Variants in POU6F2 observed in about 807,000 individuals in gnomAD.
The protein encoded by POU6F2 is POU class 6 homeobox 2.
POU6F2 carries 31 observed loss-of-function variants against 71.3 expected under a neutral mutation model. The observed-to-expected ratio is 0.43, with a 90% confidence interval of 0.33 to 0.59. POU6F2 has a LOEUF of 0.59. Among genes scored for constraint, POU6F2 ranks in the 20% least tolerant of loss-of-function variants. POU6F2 has a pLI of 0.04. For missense variants in POU6F2, 783 were observed against 856.8 expected (o/e 0.91, Z 1.07); for synonymous variants, 347 against 355.7 (o/e 0.98, Z 0.27).
intron 5 of POU6F2, among the ~76,000 whole-genome samples, chr7:39,354,307 G>A (rs1169997311): frequency 1.3e-5 from 2 of 152,208 alleles, no homozygotes; most frequent in Non-Finnish European, 2.9e-5. Flanking sequence ...TACGTGTGGT[G>A]ACCTGACATT....
At chr7:39,025,092 C>A (rs556739578) in intron 1 of POU6F2, among the ~76,000 whole-genome samples, 1 of 152,204 alleles carries the variant, frequency 6.6e-6, no homozygotes, top group Non-Finnish European at 1.5e-5. Context: ...ACCAGTTCCT[C>A]CTTGTACCTC....
At chr7:39,059,358 G>A (rs1790603307) in intron 1 of POU6F2, among the ~76,000 whole-genome samples, 1 of 152,052 alleles carries the variant, frequency 6.6e-6, no homozygotes, top group African/African-American at 2.4e-5. Flanking sequence ...CAAGGGGAAA[G>A]GATTGATTGA....
chr7:39,016,912 G>C (rs1789565178), intron 1 of POU6F2, among the ~76,000 whole-genome samples: 1 of 152,192 alleles, frequency 6.6e-6, no homozygotes, highest in South Asian at 2.1e-4. Flanking sequence ...GTGTAAATGT[G>C]GCAGTAAGCC....
intron 5 of POU6F2, among the ~76,000 whole-genome samples, chr7:39,394,217 T>G (rs567119236): frequency 6.6e-6 from 1 of 152,358 alleles, no homozygotes; most frequent in East Asian, 1.9e-4. Context: ...CATCTGTCTA[T>G]GTAGTTTTTT....
At chr7:39,128,382 T>G (rs1792187321) in intron 2 of POU6F2, among the ~76,000 whole-genome samples, 1 of 152,178 alleles carries the variant, frequency 6.6e-6, no homozygotes, top group South Asian at 2.1e-4. Context: ...GCCTCCCAAA[T>G]GTACAGGAGC....
chr7:39,313,867 C>G (rs376280779), intron 4 of POU6F2, among the ~76,000 whole-genome samples: 1 of 152,136 alleles, frequency 6.6e-6, no homozygotes, highest in African/African-American at 2.4e-5. Flanking sequence ...ATAAAATCAG[C>G]GTCTTCATAA....
intron 4 of POU6F2, among the ~76,000 whole-genome samples, chr7:39,327,274 G>C (rs1388869420): frequency 1.6e-5 from 2 of 128,236 alleles, no homozygotes; most frequent in African/African-American, 6.1e-5. Flanking sequence ...GGGAGACTCT[G>C]TCTCAAAAAA....
chr7:39,196,828 G>A (rs950988198), intron 2 of POU6F2, among the ~76,000 whole-genome samples: 1 of 152,104 alleles, frequency 6.6e-6, no homozygotes, highest in Non-Finnish European at 1.5e-5. Context: ...AGTTTCAAGT[G>A]CAGGGACAAT....
intron 4 of POU6F2, among the ~76,000 whole-genome samples, chr7:39,328,543 G>A (rs1785568675): frequency 6.6e-6 from 1 of 152,158 alleles, no homozygotes; most frequent in African/African-American, 2.4e-5. Context: ...AATTTAATTA[G>A]TGTCCTAGGC....
At chr7:38,997,606 T>C (rs1388116130) in intron 1 of POU6F2, among the ~76,000 whole-genome samples, 1 of 152,200 alleles carries the variant, frequency 6.6e-6, no homozygotes, top group Non-Finnish European at 1.5e-5. Context: ...GATTACCCCC[T>C]ATGTAGATAT....
At chr7:39,413,649 T>C (rs1453522368) in intron 6 of POU6F2, among the ~76,000 whole-genome samples, 2 of 152,232 alleles carry the variant, frequency 1.3e-5, no homozygotes, top group African/African-American at 4.8e-5. Flanking sequence ...AGTCACGTTG[T>C]GTGAACTATA....
chr7:39,385,375 T>G (rs1786915515), intron 5 of POU6F2, among the ~76,000 whole-genome samples: 1 of 152,106 alleles, frequency 6.6e-6, no homozygotes, highest in African/African-American at 2.4e-5. Context: ...AGGGAGGAAG[T>G]AAAGATGAAT....
chr7:39,226,223 T>G (rs117261153), intron 4 of POU6F2, among the ~76,000 whole-genome samples: 63 of 152,276 alleles, frequency 4.1e-4, no homozygotes, highest in Non-Finnish European at 6.8e-4. Flanking sequence ...TCTGTGACAT[T>G]TTTACATTTA....
chr7:39,104,114 C>G (rs928887446), intron 2 of POU6F2, among the ~76,000 whole-genome samples: 1 of 152,208 alleles, frequency 6.6e-6, no homozygotes, highest in Non-Finnish European at 1.5e-5. Flanking sequence ...GCCTGAGACA[C>G]GGTGGGAGCA....
rs140934260 is a variant in POU6F2, at chr7:39,044,126, C to T, written c.106-41734C>T. On this transcript the variant is annotated intron_variant, in intron 1 of 9. Coordinates refer to ENST00000518318, the MANE Select transcript of POU6F2 (RefSeq NM_001370959.1). Reference sequence around the variant, plus strand: ...GAACAAACACCCTAGGGGATTCTTACGCACAGGAGAGTCTAGGAACCTGGA... The same window carrying T: ...GAACAAACACCCTAGGGGATTCTTATGCACAGGAGAGTCTAGGAACCTGGA... 2.1e-3 allele frequency among the ~76,000 whole-genome samples: 315 copies of T among 151,942 alleles called. 1 individual carries two copies. The highest frequency in any genetic ancestry group is 5.0e-3 in the African/African-American group (206 of 41,472).
intron 2 of POU6F2, 61 bp from the exon 3 acceptor site, chr7:39,204,174 T>C (rs1414264488): frequency 1.2e-5 from 17 of 1,395,072 alleles, no homozygotes; most frequent in Non-Finnish European, 1.7e-5. Context: ...CTTAATGTTA[T>C]GTGACATCAG....
At chr7:39,053,945 A>G (rs1213058209) in intron 1 of POU6F2, among the ~76,000 whole-genome samples, 2 of 152,018 alleles carry the variant, frequency 1.3e-5, no homozygotes, top group African/African-American at 2.4e-5. Context: ...TCTACTAAAA[A>G]TACAAAAATT....
chr7:39,109,529 G>T (rs1415977814), intron 2 of POU6F2, among the ~76,000 whole-genome samples: 1 of 152,148 alleles, frequency 6.6e-6, no homozygotes, highest in Non-Finnish European at 1.5e-5. Flanking sequence ...ATCCAATGAG[G>T]CATCCTTCCA....
intron 2 of POU6F2, among the ~76,000 whole-genome samples, chr7:39,183,804 G>C (rs1793480697): frequency 6.6e-6 from 1 of 152,180 alleles, no homozygotes. Context: ...CATTGACAAA[G>C]AGTGAATTTT....
Sources: gnomAD v4.1 joint callset for allele counts (sites outside exome capture counted in the v4.1 genomes callset) on GRCh38, gnomAD v4.1.1 for gene constraint, MANE v1.5 for transcripts, NCBI Gene and HGNC (gene_info 2026-07-23, HGNC 2026-07-21) for gene names.